The following FUT9 variants were observed in gnomAD, a reference collection of about 807,000 sequenced individuals.
The protein encoded by FUT9 is 4-galactosyl-N-acetylglucosaminide 3-alpha-L-fucosyltransferase 9.
In FUT9, 15 loss-of-function variants were observed where a neutral mutation model predicts 29.7. The ratio of observed to expected loss-of-function variants is 0.51; its 90% CI spans 0.34 to 0.78. FUT9 has a LOEUF of 0.78. Among genes scored for constraint, FUT9 ranks in the 30% least tolerant of loss-of-function variants. The pLI is 0.01. For missense variants in FUT9, 319 were observed against 425.4 expected (o/e 0.75, Z 2.20); for synonymous variants, 169 against 153.7 (o/e 1.10, Z -0.74).
chr6:96,096,684 A>G (rs199618824), intron 1 of FUT9, among the ~76,000 whole-genome samples: 14 of 140,868 alleles, frequency 9.9e-5, no homozygotes, highest in East Asian at 8.6e-4. Context: ...TGTCTAAGGC[A>G]TGTGTGTGTG....
intron 1 of FUT9, among the ~76,000 whole-genome samples, chr6:96,068,758 A>G (rs1464465339): frequency 6.6e-6 from 1 of 152,200 alleles, no homozygotes; most frequent in Non-Finnish European, 1.5e-5. Context: ...AATGAGTTAT[A>G]TGCCACCTAA....
intron 1 of FUT9, among the ~76,000 whole-genome samples, chr6:96,028,927 CAGG>C (rs1297883029): frequency 1.3e-5 from 2 of 151,502 alleles, no homozygotes; most frequent in Non-Finnish European, 3.0e-5. Flanking sequence ...AACTCATGAA[CAGG>C]AGGAGTTCTT....
chr6:96,128,597 T>G (rs564727804), intron 2 of FUT9, among the ~76,000 whole-genome samples: 2 of 152,298 alleles, frequency 1.3e-5, no homozygotes, highest in African/African-American at 4.8e-5. Flanking sequence ...AAAACATATA[T>G]TGTTTGACCC....
At chr6:96,132,307 ATG>A (rs1772260946) in intron 2 of FUT9, among the ~76,000 whole-genome samples, 1 of 105,352 alleles carries the variant, frequency 9.5e-6, no homozygotes, top group South Asian at 3.0e-4. Context: ...GAAAGAACAT[ATG>A]TGTCTGCTGT....
intron 1 of FUT9, among the ~76,000 whole-genome samples, chr6:96,093,955 C>A (rs75968348): frequency 6.6e-6 from 1 of 151,990 alleles, no homozygotes. Flanking sequence ...TGGTGCATTG[C>A]GAGCCAAGGA....
intron 2 of FUT9, among the ~76,000 whole-genome samples, chr6:96,143,788 G>A (rs1029742242): frequency 6.6e-6 from 1 of 152,194 alleles, no homozygotes; most frequent in African/African-American, 2.4e-5. Flanking sequence ...TTGCACAGAG[G>A]TAAGTGGGAA....
chr6:96,163,851 C>T (rs772479930), intron 2 of FUT9, among the ~76,000 whole-genome samples: 3 of 152,242 alleles, frequency 2.0e-5, no homozygotes, highest in Non-Finnish European at 2.9e-5. Flanking sequence ...TAGCTAAAAC[C>T]AGAATTTCCA....
At chr6:96,021,306 C>T (rs1470097746) in intron 1 of FUT9, among the ~76,000 whole-genome samples, 1 of 151,654 alleles carries the variant, frequency 6.6e-6, no homozygotes, top group Non-Finnish European at 1.5e-5. Context: ...TTGGACAATG[C>T]AGGAACCTAT....
At chr6:96,152,331 C>T (rs926353544) in intron 2 of FUT9, among the ~76,000 whole-genome samples, 2 of 152,210 alleles carry the variant, frequency 1.3e-5, no homozygotes, top group East Asian at 3.9e-4. Context: ...ATGTGGATAT[C>T]GCTCCCACAG....
chr6:96,076,967 T>C (rs982270252), intron 1 of FUT9, among the ~76,000 whole-genome samples: 1 of 152,176 alleles, frequency 6.6e-6, no homozygotes, highest in Non-Finnish European at 1.5e-5. Context: ...ATGCAAAATT[T>C]TTATCAGAGC....
intron 1 of FUT9, among the ~76,000 whole-genome samples, chr6:96,024,497 G>A (rs993976111): frequency 1.3e-5 from 2 of 151,706 alleles, no homozygotes; most frequent in African/African-American, 4.8e-5. Context: ...GACTCCTGTG[G>A]CTGGCACCAT....
intron 2 of FUT9, among the ~76,000 whole-genome samples, chr6:96,119,526 T>G (rs1191431890): frequency 6.6e-6 from 1 of 152,208 alleles, no homozygotes; most frequent in Non-Finnish European, 1.5e-5. Flanking sequence ...AAAGTGTTTT[T>G]TACTTCAAAA....
intron 2 of FUT9, among the ~76,000 whole-genome samples, chr6:96,131,239 A>C (rs1772237851): frequency 6.6e-6 from 1 of 152,184 alleles, no homozygotes; most frequent in Admixed American, 6.5e-5. Flanking sequence ...AAGTGAAAAA[A>C]AATAGAACAT....
chr6:96,205,920 T>C lies in FUT9; in HGVS notation c.*1685T>C, dbSNP rs1425324240. 1 of 167,034 alleles carries C rather than the reference T, an allele frequency of 6.0e-6. No homozygotes were observed. 10.3% of individuals were successfully genotyped at this position (167,034 alleles called of 1,614,324 possible). On this transcript the variant is annotated 3_prime_UTR_variant, in exon 3 of 3. Coordinates refer to ENST00000302103, the MANE Select transcript of FUT9 (RefSeq NM_006581.4). ...AGCAGAGGAATATTCCTGTAATGAA[T>C]AGAGGATTGTTTGATTCTCAGGTAT...
intron 1 of FUT9, among the ~76,000 whole-genome samples, chr6:96,087,759 C>G (rs1300402091): frequency 6.6e-6 from 1 of 152,116 alleles, no homozygotes. Flanking sequence ...TAGTTTTGCT[C>G]TAAACAGTAA....
At chr6:96,089,418 C>G (rs939031969) in intron 1 of FUT9, among the ~76,000 whole-genome samples, 4 of 152,186 alleles carry the variant, frequency 2.6e-5, no homozygotes, top group Admixed American at 6.5e-5. Context: ...TGTCAGGAAT[C>G]TGGGGAAGTT....
chr6:96,164,168 A>G (rs1562148272), intron 2 of FUT9, among the ~76,000 whole-genome samples: 1 of 151,228 alleles, frequency 6.6e-6, no homozygotes, highest in African/African-American at 2.4e-5. Context: ...CTGAATAGCA[A>G]TTGGATGAAA....
At chr6:96,024,553 T>C (rs1017971876) in intron 1 of FUT9, among the ~76,000 whole-genome samples, 6 of 150,840 alleles carry the variant, frequency 4.0e-5, no homozygotes, top group African/African-American at 9.9e-5. Flanking sequence ...CACAGATACA[T>C]TGCTGTTTTT....
chr6:96,164,003 T>C lies in FUT9; in HGVS notation c.-8-39145T>C, dbSNP rs149372689. Among the ~76,000 whole-genome samples the C allele has an allele frequency of 3.1e-3, 469 of 152,210 alleles. 2 individuals are homozygous for C. Among genetic ancestry groups the C allele is most frequent in the African/African-American group, 1.0e-2 (414 of 41,522 alleles). Reference sequence around the variant, plus strand: ...TCCTGACAATATATGCCCAAGGTGGTCAAGCTACAGTTTGGCTTTATACAT... The same window carrying C: ...TCCTGACAATATATGCCCAAGGTGGCCAAGCTACAGTTTGGCTTTATACAT... On this transcript the variant is annotated intron_variant, in intron 2 of 2. Transcript: ENST00000302103.
Sources: allele counts gnomAD v4.1 joint callset (sites outside exome capture counted in the v4.1 genomes callset), GRCh38; gene constraint gnomAD v4.1.1; transcripts MANE v1.5; gene names NCBI Gene and HGNC (gene_info 2026-07-23, HGNC 2026-07-21).